SETBP1: variants seen among roughly 807,000 people sequenced by gnomAD.
The protein encoded by SETBP1 is SET-binding protein.
SETBP1 carries 9 observed loss-of-function variants against 101.0 expected under a neutral mutation model. That is an observed-to-expected ratio of 0.09 (90% CI 0.05 to 0.16). SETBP1 has a LOEUF of 0.16. SETBP1 is among the 10% of genes least tolerant of loss of function. SETBP1 has a pLI of 1.00. For synonymous variants in SETBP1, 818 were observed against 788.5 expected, an observed-to-expected ratio of 1.04 and a Z score of -0.63; for missense variants, 1,858 against 2,033.8, an observed-to-expected ratio of 0.91 and a Z score of 1.66.
intron 3 of SETBP1, among the ~76,000 whole-genome samples, chr18:44,891,579 A>G (rs2069770729): frequency 2.6e-5 from 4 of 152,126 alleles, no homozygotes; most frequent in Admixed American, 2.6e-4. Context: ...AGTCTGTTCC[A>G]CAAAAGTGAG....
intron 3 of SETBP1, among the ~76,000 whole-genome samples, chr18:44,927,997 T>C (rs191460329): frequency 8.5e-5 from 13 of 152,294 alleles, no homozygotes; most frequent in Non-Finnish European, 1.5e-4. Flanking sequence ...TTGTTACATA[T>C]GTATACATGT....
chr18:44,845,104 C>G (rs2144550422), intron 2 of SETBP1, among the ~76,000 whole-genome samples: 1 of 152,194 alleles, frequency 6.6e-6, no homozygotes, highest in South Asian at 2.1e-4. Flanking sequence ...GGGTGATTGC[C>G]AGAGTTCTCT....
chr18:44,995,893 A>G (rs2072488195), intron 4 of SETBP1, among the ~76,000 whole-genome samples: 1 of 152,232 alleles, frequency 6.6e-6, no homozygotes. Context: ...ATTAGGCCCC[A>G]TCTCCCAACA....
At chr18:44,812,427 C>A (rs567231682) in intron 2 of SETBP1, among the ~76,000 whole-genome samples, 2 of 152,112 alleles carry the variant, frequency 1.3e-5, no homozygotes, top group African/African-American at 4.8e-5. Flanking sequence ...AGTGTCAGGG[C>A]CGTAAAATAG....
chr18:44,920,671 C>T (rs1385866856), intron 3 of SETBP1, among the ~76,000 whole-genome samples: 1 of 152,188 alleles, frequency 6.6e-6, no homozygotes, highest in Non-Finnish European at 1.5e-5. Context: ...TGGTTGTCCA[C>T]TGTGGTTTCA....
chr18:44,691,792 G>A (rs2144135256), intron 1 of SETBP1, among the ~76,000 whole-genome samples: 1 of 152,292 alleles, frequency 6.6e-6, no homozygotes, highest in Middle Eastern at 3.4e-3. Flanking sequence ...TTCTGGTTGA[G>A]GAGACAAGGC....
chr18:44,932,985 G>A lies in SETBP1; in HGVS notation c.541-16896G>A, dbSNP rs186300486. Among the ~76,000 whole-genome samples the A allele has an allele frequency of 3.5e-3, 529 of 152,268 alleles. 5 individuals carry two copies. Among genetic ancestry groups the A allele is most frequent in the African/African-American group, 0.012 (484 of 41,558 alleles). ...GTCATTCTCTCTCCGGCTTTGTTCC[G>A]TTGCTCACAAGGAGCTGCATTCCTT... On this transcript the variant is annotated intron_variant, in intron 3 of 5. Transcript: ENST00000649279.
At chr18:44,826,706 A>C (rs1410248493) in intron 2 of SETBP1, among the ~76,000 whole-genome samples, 1 of 152,184 alleles carries the variant, frequency 6.6e-6, no homozygotes, top group Non-Finnish European at 1.5e-5. Flanking sequence ...GAGTTAAAGA[A>C]GCAGCAGGAT....
At chr18:44,744,033 T>C (rs566658060) in intron 2 of SETBP1, among the ~76,000 whole-genome samples, 8 of 152,344 alleles carry the variant, frequency 5.3e-5, no homozygotes, top group Non-Finnish European at 8.8e-5. Flanking sequence ...CTTGGTCTCA[T>C]TGGTGTGCCA....
chr18:44,684,048 T>A lies in SETBP1; in HGVS notation c.-173+3027T>A, dbSNP rs927952490. 6.6e-5 allele frequency among the ~76,000 whole-genome samples: 10 copies of A among 152,210 alleles called. No individual in the cohort carries two copies. In the East Asian group the frequency reaches 1.9e-3, roughly 29 times the overall value. ...GAGCACAGGAGGCTGCCCTGGAGGG[T>A]TAGCAGCACTGGGTTGAAGAAAGGA... On this transcript the variant is annotated intron_variant, in intron 1 of 5. Transcript: ENST00000649279.
chr18:44,971,664 T>C (rs1198502705), intron 4 of SETBP1, among the ~76,000 whole-genome samples: 1 of 152,242 alleles, frequency 6.6e-6, no homozygotes, highest in Non-Finnish European at 1.5e-5. Flanking sequence ...TTTGGCTGCA[T>C]AAATATCTTC....
intron 2 of SETBP1, among the ~76,000 whole-genome samples, chr18:44,806,622 C>CATTTTTTT (rs2071743346): frequency 1.8e-5 from 1 of 54,390 alleles, no homozygotes; most frequent in Admixed American, 2.7e-4. Flanking sequence ...ATAATGAGCT[C>CATTTTTTT]CTTTTTTTTT....
At chr18:44,964,386 A>AAT (rs1185235925) in intron 4 of SETBP1, among the ~76,000 whole-genome samples, 1 of 152,118 alleles carries the variant, frequency 6.6e-6, no homozygotes, top group Non-Finnish European at 1.5e-5. Context: ...GGCAGCTCTA[A>AAT]ATATGTAAGG....
intron 4 of SETBP1, among the ~76,000 whole-genome samples, chr18:44,966,632 C>T (rs759793033): frequency 6.6e-6 from 1 of 152,184 alleles, no homozygotes; most frequent in African/African-American, 2.4e-5. Context: ...GTGCTGAGCA[C>T]AGATATTACT....
At chr18:44,850,061 C>T (rs1295317618) in intron 2 of SETBP1, among the ~76,000 whole-genome samples, 1 of 152,162 alleles carries the variant, frequency 6.6e-6, no homozygotes, top group Non-Finnish European at 1.5e-5. Context: ...GCTCTCACCT[C>T]CAAAACTTGA....
chr18:45,022,465 A>C (rs2073090720), intron 4 of SETBP1, among the ~76,000 whole-genome samples: 1 of 152,176 alleles, frequency 6.6e-6, no homozygotes, highest in Non-Finnish European at 1.5e-5. Context: ...CCCAACAGTG[A>C]AGTCACTCAT....
upstream of SETBP1, among the ~76,000 whole-genome samples, chr18:44,680,673 G>A (rs2144069677): frequency 6.6e-6 from 1 of 152,224 alleles, no homozygotes; most frequent in Non-Finnish European, 1.5e-5. Context: ...GCTCGTTGGT[G>A]GCGGCGATGG....
Position 44,782,316 on chromosome 18 carries a change from T to A in SETBP1, c.486+80484T>A, listed in dbSNP as rs541136628. Among the ~76,000 whole-genome samples, 20 of 152,288 alleles carry A rather than the reference T, an allele frequency of 1.3e-4. No homozygotes were observed. The South Asian group carries it at 4.1e-3, about 32-fold the overall frequency. ...TTACAACATGTAAAATAAACTCTTTTTTTTTTTTCCAAAAAGAAATGTATT... is the reference window on the plus strand; with the variant it reads ...TTACAACATGTAAAATAAACTCTTTATTTTTTTTCCAAAAAGAAATGTATT... On this transcript the variant is annotated intron_variant, in intron 2 of 5. Transcript: ENST00000649279.
At chr18:44,777,204 C>A (rs1311351876) in intron 2 of SETBP1, among the ~76,000 whole-genome samples, 1 of 152,140 alleles carries the variant, frequency 6.6e-6, no homozygotes, top group Admixed American at 6.5e-5. Flanking sequence ...GTGGTCCCAG[C>A]TACTCGGGAG....
Sources: gnomAD v4.1 joint callset for allele counts (sites outside exome capture counted in the v4.1 genomes callset) on GRCh38, gnomAD v4.1.1 for gene constraint, MANE v1.5 for transcripts, NCBI Gene and HGNC (gene_info 2026-07-23, HGNC 2026-07-21) for gene names.